Variants in HMGCLL1 observed in about 807,000 individuals in gnomAD.
HMGCLL1 encodes the protein 3-hydroxy-3-methylglutaryl-CoA lyase like 1, also known as 3-hydroxymethyl-3-methylglutaryl-CoA lyase, cytoplasmic.
Under a neutral mutation model 39.1 loss-of-function variants are expected in HMGCLL1, and 36 were observed. The ratio of observed to expected loss-of-function variants is 0.92; its 90% confidence interval spans 0.71 to 1.22. HMGCLL1 has a LOEUF of 1.22. HMGCLL1 is among the 50% of genes most tolerant of loss of function. The probability of loss-of-function intolerance (pLI) is 0.00; values close to 1 mark genes in which losing one functional copy is unlikely to be tolerated. For missense variants in HMGCLL1, 451 were observed against 416.5 expected (o/e 1.08, Z -0.72); for synonymous variants, 149 against 144.0 (o/e 1.03, Z -0.25).
chr6:55,480,040 T>C (rs1765652791), intron 7 of HMGCLL1, among the ~76,000 whole-genome samples: 1 of 151,702 alleles, frequency 6.6e-6, no homozygotes, highest in African/African-American at 2.4e-5. Context: ...TTTCTTTTAG[T>C]AATTTCACAG....
At chr6:55,437,211 T>A (rs1360285192) in intron 8 of HMGCLL1, among the ~76,000 whole-genome samples, 1 of 152,034 alleles carries the variant, frequency 6.6e-6, no homozygotes, top group African/African-American at 2.4e-5. Context: ...TATTCTTAAA[T>A]CATTTGTCGG....
chr6:55,549,101 A>C (rs942419872), intron 1 of HMGCLL1, among the ~76,000 whole-genome samples: 1 of 151,326 alleles, frequency 6.6e-6, no homozygotes, highest in Admixed American at 6.6e-5. Flanking sequence ...ATTGAAACAA[A>C]ATAAACTATG....
intron 5 of HMGCLL1, among the ~76,000 whole-genome samples, chr6:55,505,072 C>T (rs1009017584): frequency 3.3e-5 from 5 of 151,504 alleles, no homozygotes; most frequent in Admixed American, 1.3e-4. Flanking sequence ...TGTATTTGTG[C>T]TTGTTGAGGT....
At chr6:55,606,280 C>A in the HMGCLL1 span, among the ~76,000 whole-genome samples, 49 of 152,272 alleles carry the variant, frequency 3.2e-4, no homozygotes, top group East Asian at 7.3e-3. Context: ...TTCTCAATGA[C>A]TTTTTATACA....
At chr6:55,500,251 G>A (rs1375224787) in intron 5 of HMGCLL1, among the ~76,000 whole-genome samples, 1 of 151,950 alleles carries the variant, frequency 6.6e-6, no homozygotes, top group African/African-American at 2.4e-5. Flanking sequence ...ACTCAAAAGT[G>A]TTTTGAGGCA....
the HMGCLL1 span, among the ~76,000 whole-genome samples, chr6:55,642,947 C>T: frequency 6.6e-6 from 1 of 152,070 alleles, no homozygotes; most frequent in African/African-American, 2.4e-5. Context: ...CAGCTCCATC[C>T]ACGTTCCTGC....
Position 55,434,832 on chromosome 6 carries a change from T to C in HMGCLL1, c.*830A>G, listed in dbSNP as rs1763306711. 6.6e-6 allele frequency: 1 copy of C among 152,076 alleles called. No homozygotes were observed. The highest frequency in any genetic ancestry group is 2.4e-5 in the African/African-American group (1 of 41,436). 9.4% of individuals were successfully genotyped at this position (152,076 alleles called of 1,614,324 possible). Reference sequence around the variant, plus strand: ...GGATCACAATATTTCCTTGGGCAATTTGAAAGTGATCTGAAAATTATAAAG... The same window carrying C: ...GGATCACAATATTTCCTTGGGCAATCTGAAAGTGATCTGAAAATTATAAAG... On this transcript the variant is annotated 3_prime_UTR_variant, in exon 9 of 9. Transcript: ENST00000274901.
the HMGCLL1 span, among the ~76,000 whole-genome samples, chr6:55,595,816 A>T: frequency 6.6e-6 from 1 of 152,198 alleles, no homozygotes; most frequent in South Asian, 2.1e-4. Context: ...ATACTAGGAA[A>T]TATATCATTG....
At chr6:55,439,337 A>C (rs1001461915) in intron 8 of HMGCLL1, 97 bp downstream of exon 8, 14 of 1,244,858 alleles carry the variant, frequency 1.1e-5, no homozygotes, top group Non-Finnish European at 1.6e-5. Context: ...AAGTGTAGTA[A>C]AACTTTGACC....
At chr6:55,589,890 A>T in the HMGCLL1 span, among the ~76,000 whole-genome samples, 3 of 152,160 alleles carry the variant, frequency 2.0e-5, no homozygotes, top group African/African-American at 7.2e-5. Context: ...CCACTGCTCA[A>T]CGAAATAAAA....
intron 1 of HMGCLL1, among the ~76,000 whole-genome samples, chr6:55,568,331 A>G (rs1771312899): frequency 6.6e-6 from 1 of 152,194 alleles, no homozygotes; most frequent in African/African-American, 2.4e-5. Context: ...ATGATAATGA[A>G]TGATTAGGCT....
At chr6:55,643,865 G>A in the HMGCLL1 span, among the ~76,000 whole-genome samples, 1 of 151,954 alleles carries the variant, frequency 6.6e-6, no homozygotes, top group Non-Finnish European at 1.5e-5. Context: ...ACAACAAACA[G>A]GAGAGTGCAG....
chr6:55,553,566 C>T (rs72986079), intron 1 of HMGCLL1, among the ~76,000 whole-genome samples: 6,188 of 152,138 alleles, frequency 0.041, 170 homozygotes, highest in Non-Finnish European at 0.061. Flanking sequence ...TCCTCATTCT[C>T]CTCTGTTAAA....
At chr6:55,481,311 G>A (rs1035587148) in intron 7 of HMGCLL1, among the ~76,000 whole-genome samples, 1 of 152,010 alleles carries the variant, frequency 6.6e-6, no homozygotes, top group Non-Finnish European at 1.5e-5. Context: ...CTGGGAGGTT[G>A]AGGCTGCAGT....
At chr6:55,615,073 C>A in the HMGCLL1 span, among the ~76,000 whole-genome samples, 1 of 151,938 alleles carries the variant, frequency 6.6e-6, no homozygotes, top group African/African-American at 2.4e-5. Flanking sequence ...TTGCCATTTA[C>A]CAAATACACA....
the HMGCLL1 span, among the ~76,000 whole-genome samples, chr6:55,674,574 A>G: frequency 6.6e-6 from 1 of 152,068 alleles, no homozygotes; most frequent in African/African-American, 2.4e-5. Flanking sequence ...ACTACCTACA[A>G]GGTTATGCAA....
At chr6:55,578,920 G>A (rs1476946867) in intron 1 of HMGCLL1, 28 bp downstream of exon 1, 1 of 1,545,390 alleles carries the variant, frequency 6.5e-7, no homozygotes, top group Admixed American at 1.7e-5. Context: ...GCATGAGGGT[G>A]GGGACACCCT....
the HMGCLL1 span, among the ~76,000 whole-genome samples, chr6:55,659,595 T>G: frequency 1.3e-5 from 2 of 151,936 alleles, no homozygotes; most frequent in Non-Finnish European, 2.9e-5. Flanking sequence ...ATCATACTTT[T>G]CCTTTTACTG....
intron 3 of HMGCLL1, among the ~76,000 whole-genome samples, chr6:55,533,502 G>A (rs1283310735): frequency 6.6e-6 from 1 of 152,086 alleles, no homozygotes; most frequent in Non-Finnish European, 1.5e-5. Context: ...GATCCTCCTA[G>A]TGTGTATTAT....
Sources: gnomAD v4.1 joint callset for allele counts (sites outside exome capture counted in the v4.1 genomes callset) on GRCh38, gnomAD v4.1.1 for gene constraint, MANE v1.5 for transcripts, NCBI Gene and HGNC (gene_info 2026-07-23, HGNC 2026-07-21) for gene names.